The following ILDR2 variants were observed in gnomAD, a reference collection of about 807,000 sequenced individuals.
ILDR2 encodes immunoglobulin-like domain-containing receptor 2.
A neutral mutation model predicts 66.8 loss-of-function variants in ILDR2; 25 were observed. The ratio of observed to expected loss-of-function variants is 0.37; its 90% confidence interval spans 0.27 to 0.52. ILDR2 has a LOEUF of 0.52. ILDR2 is among the 20% of genes least tolerant of loss of function. The pLI is 0.88. For missense variants in ILDR2, 827 were observed against 876.8 expected (o/e 0.94, Z 0.72); for synonymous variants, 367 against 357.2 (o/e 1.03, Z -0.31).
intron 3 of ILDR2, among the ~76,000 whole-genome samples, chr1:166,939,953 A>ACAT (rs1661215095): frequency 6.6e-6 from 1 of 152,260 alleles, no homozygotes; most frequent in Non-Finnish European, 1.5e-5. Context: ...ACATTTTCAT[A>ACAT]CATCCATACA....
intron 6 of ILDR2, among the ~76,000 whole-genome samples, chr1:166,930,334 G>A (rs1660560331): frequency 6.6e-6 from 1 of 152,174 alleles, no homozygotes; most frequent in African/African-American, 2.4e-5. Flanking sequence ...ATTATAAAGA[G>A]ACTCCACTGT....
chr1:166,911,334 T>TA lies in ILDR2; in HGVS notation c.*8020dup, dbSNP rs1044955697. On this transcript the variant is annotated 3_prime_UTR_variant, in exon 10 of 10. Transcript: ENST00000271417. ...TTCATTTTTTCCCATTTAGCACACTTACTTCTTCCTTACTCAATCATTCAC... is the reference window on the plus strand; with the variant it reads ...TTCATTTTTTCCCATTTAGCACACTTAACTTCTTCCTTACTCAATCATTCAC... 1 of 152,236 alleles carries TA rather than the reference T, an allele frequency of 6.6e-6. No individual in the cohort carries two copies. The highest frequency in any genetic ancestry group is 2.4e-5 in the African/African-American group (1 of 41,462). The allele number at this position is 152,236 out of a possible 1,614,324, so 9.4% of individuals were successfully genotyped here.
chr1:166,962,932 C>T (rs1662707580), intron 1 of ILDR2, among the ~76,000 whole-genome samples: 1 of 152,180 alleles, frequency 6.6e-6, no homozygotes, highest in Non-Finnish European at 1.5e-5. Context: ...CCAGTTATGT[C>T]TCACACCCCC....
chr1:166,964,187 A>G (rs1557957588), intron 1 of ILDR2, among the ~76,000 whole-genome samples: 1 of 152,158 alleles, frequency 6.6e-6, no homozygotes, highest in African/African-American at 2.4e-5. Flanking sequence ...AAGCACTAGA[A>G]TTGAAGACCA....
rs1662386157 is a variant in ILDR2, at chr1:166,958,037, G to A, written c.111C>T (p.Pro37=). 6.2e-7 allele frequency: 1 copy of A among 1,613,768 alleles called. No individual in the cohort carries two copies. Among genetic ancestry groups the A allele is most frequent in the African/African-American group, 1.3e-5 (1 of 74,904 alleles). ...DKKKVAMLFQ[P]TVLRCHFSTS... ...TTGAGAAGTGGCAGCGAAGCACAGT[G>A]GGCTGGAAGAGCATGGCCACCTTCT... is the stretch of plus-strand genomic sequence containing the variant. Residue 37 remains proline (P), a synonymous_variant, in exon 2 of 10, where the codon CCC becomes CCT. Coordinates refer to ENST00000271417, the MANE Select transcript of ILDR2 (RefSeq NM_199351.3).
chr1:166,969,687 A>G lies in ILDR2; in HGVS notation c.46+5536T>C, dbSNP rs185642264. 3.5e-4 allele frequency among the ~76,000 whole-genome samples: 54 copies of G among 152,170 alleles called. 1 individual carries two copies. Among genetic ancestry groups the G allele is most frequent in the Non-Finnish European group, 1.5e-5 (1 of 68,006 alleles). On this transcript the variant is annotated intron_variant, in intron 1 of 9. Coordinates refer to ENST00000271417, the MANE Select transcript of ILDR2 (RefSeq NM_199351.3). ...TGCACTATTTCCCTGAGTTCTATGAACTCTGTGCCTCAATATCCAATGCCC... is the reference window on the plus strand; with the variant it reads ...TGCACTATTTCCCTGAGTTCTATGAGCTCTGTGCCTCAATATCCAATGCCC...
At position 166,915,930 on chromosome 1, in the gene ILDR2, C is replaced by G. The variant is rs184120438; in HGVS notation, c.*3425G>C. On this transcript the variant is annotated 3_prime_UTR_variant, in exon 10 of 10. Coordinates refer to ENST00000271417, the MANE Select transcript of ILDR2 (RefSeq NM_199351.3). ...GAATATGGGCAGCAGCACTCACAGC[C>G]GCAGAACTGAGCCCCAGGAGCAGCC... 3.4e-3 allele frequency: 517 copies of G among 152,346 alleles called. No individual in the cohort carries two copies. The highest frequency in any genetic ancestry group is 5.1e-3 in the Non-Finnish European group (346 of 68,070). 9.4% of individuals were successfully genotyped at this position (152,346 alleles called of 1,614,324 possible).
chr1:166,957,125 T>A (rs1197494474), intron 2 of ILDR2, among the ~76,000 whole-genome samples: 1 of 152,216 alleles, frequency 6.6e-6, no homozygotes, highest in Non-Finnish European at 1.5e-5. Flanking sequence ...AGGAGATGGC[T>A]TTGAACCAGG....
At chr1:166,940,482 C>T (rs1297598183) in intron 3 of ILDR2, among the ~76,000 whole-genome samples, 1 of 152,180 alleles carries the variant, frequency 6.6e-6, no homozygotes, top group East Asian at 1.9e-4. Flanking sequence ...GCAAATTTCC[C>T]TCCTTTCAGA....
At chr1:166,942,875 CTTT>C (rs1553229781) in intron 3 of ILDR2, among the ~76,000 whole-genome samples, 1 of 152,174 alleles carries the variant, frequency 6.6e-6, no homozygotes, top group Non-Finnish European at 1.5e-5. Flanking sequence ...TTACTTTAGA[CTTT>C]TTTACTTTTG....
At chr1:166,937,931 T>A (rs1445534979) in intron 4 of ILDR2, among the ~76,000 whole-genome samples, 1 of 152,272 alleles carries the variant, frequency 6.6e-6, no homozygotes, top group Non-Finnish European at 1.5e-5. Flanking sequence ...GAGAATATGA[T>A]ATTTTTATTA....
Position 166,910,400 on chromosome 1 carries a change from AATTT to A in ILDR2, c.*8951_*8954del, listed in dbSNP as rs942880405. On this transcript the variant is annotated 3_prime_UTR_variant, in exon 10 of 10. Coordinates refer to ENST00000271417, the MANE Select transcript of ILDR2 (RefSeq NM_199351.3). Reference sequence around the variant, plus strand: ...TAAAGAAAAAATTCCTAATGCACTTAATTTGTTTTTCAAAAGCCAAATTCATCTA... The same window carrying A: ...TAAAGAAAAAATTCCTAATGCACTTAGTTTTTCAAAAGCCAAATTCATCTA... The A allele has an allele frequency of 2.0e-5, 3 of 151,070 alleles. No individual in the cohort carries two copies. Among genetic ancestry groups the A allele is most frequent in the Non-Finnish European group, 2.9e-5 (2 of 68,026 alleles). The allele number at this position is 151,070 out of a possible 1,614,324, so 9.4% of individuals were successfully genotyped here.
chr1:166,899,245 T>C (rs924660248), intron 2 of ILDR2, among the ~76,000 whole-genome samples: 7 of 151,610 alleles, frequency 4.6e-5, no homozygotes, highest in South Asian at 2.1e-4. Context: ...ATACAAAAAT[T>C]GGCCGGGCAT....
intron 3 of ILDR2, 61 bp from the exon 4 acceptor site, chr1:166,939,631 A>G: frequency 1.4e-6 from 2 of 1,463,286 alleles, no homozygotes; most frequent in South Asian, 1.2e-5. Context: ...AACATAGCCT[A>G]AAGCCTGGCT....
chr1:166,922,772 C>G lies in ILDR2; in HGVS notation c.1032G>C (p.Glu344Asp). Reference sequence around the variant, plus strand: ...AAGACTGGCGGAAATTGCTGTCCTCCTCATGTAGGGAGCTGAGTTCTGAGA... The same window carrying G: ...AAGACTGGCGGAAATTGCTGTCCTCGTCATGTAGGGAGCTGAGTTCTGAGA... ...NTISELSSLH[E>D]EDSNFRQSFH... The change falls in exon 8 of 10, where the codon GAG becomes GAC. Residue 344 changes from glutamate to aspartate, a missense_variant. Transcript: ENST00000271417. The G allele has an allele frequency of 6.2e-7, 1 of 1,614,214 alleles. No homozygotes were observed. Among genetic ancestry groups the G allele is most frequent in the Non-Finnish European group, 8.5e-7 (1 of 1,180,030 alleles).
Position 166,915,440 on chromosome 1 carries a change from T to A in ILDR2, c.*3915A>T, listed in dbSNP as rs1251742724. On this transcript the variant is annotated 3_prime_UTR_variant, in exon 10 of 10. Coordinates refer to ENST00000271417, the MANE Select transcript of ILDR2 (RefSeq NM_199351.3). ...TCTCCTGGAATGCATATTAAAAATATGAATTCTGGCTCTAGACCCACCCAA... is the reference window on the plus strand; with the variant it reads ...TCTCCTGGAATGCATATTAAAAATAAGAATTCTGGCTCTAGACCCACCCAA... 6.6e-6 allele frequency: 1 copy of A among 152,218 alleles called. No individual in the cohort carries two copies. The highest frequency in any genetic ancestry group is 2.4e-5 in the African/African-American group (1 of 41,458). 9.4% of individuals were successfully genotyped at this position (152,218 alleles called of 1,614,324 possible). A position where few individuals can be genotyped will look rare whatever the true frequency, so the allele number is the denominator to read the frequency against.
chr1:166,959,286 G>A (rs1240286831), intron 1 of ILDR2, among the ~76,000 whole-genome samples: 6 of 152,140 alleles, frequency 3.9e-5, no homozygotes, highest in African/African-American at 9.7e-5. Flanking sequence ...ACAGTCTTCC[G>A]AGTACTTCTT....
chr1:166,966,128 T>TA (rs936193484), intron 1 of ILDR2, among the ~76,000 whole-genome samples: 58 of 151,576 alleles, frequency 3.8e-4, no homozygotes, highest in East Asian at 1.2e-3. Flanking sequence ...AAACTTGTGT[T>TA]AAAAAAAAAC....
chr1:166,942,353 A>G (rs1335257586), intron 3 of ILDR2, among the ~76,000 whole-genome samples: 2 of 152,336 alleles, frequency 1.3e-5, no homozygotes, highest in East Asian at 1.9e-4. Context: ...CAGATATAAT[A>G]TAACAGGGAG....
Sources: allele counts gnomAD v4.1 joint callset (sites outside exome capture counted in the v4.1 genomes callset), GRCh38; gene constraint gnomAD v4.1.1; transcripts MANE v1.5; gene names NCBI Gene and HGNC (gene_info 2026-07-23, HGNC 2026-07-21).